The following GSAP variants were observed in gnomAD, a reference collection of about 807,000 sequenced individuals.
GSAP encodes the protein gamma-secretase-activating protein.
In GSAP, 118 loss-of-function variants were observed where a neutral mutation model predicts 131.7. The observed-to-expected ratio is 0.90, with a 90% CI of 0.77 to 1.04. GSAP has a LOEUF of 1.04. GSAP is among the 50% of genes least tolerant of loss of function. GSAP has a pLI of 0.00. For synonymous variants in GSAP, 381 were observed against 363.4 expected, an observed-to-expected ratio of 1.05 and a Z score of -0.55; for missense variants, 1,019 against 1,013.2, an observed-to-expected ratio of 1.01 and a Z score of -0.08.
chr7:77,348,095 G>A (rs562927668), intron 19 of GSAP, among the ~76,000 whole-genome samples: 1 of 151,962 alleles, frequency 6.6e-6, no homozygotes, highest in Non-Finnish European at 1.5e-5. Context: ...CTTGAGCCCA[G>A]GAATTAGAGA....
At chr7:77,323,980 G>A (rs571978212) in intron 23 of GSAP, among the ~76,000 whole-genome samples, 69 of 152,294 alleles carry the variant, frequency 4.5e-4, no homozygotes, top group African/African-American at 1.4e-3. Flanking sequence ...GAGCAACTGC[G>A]AGTAAGGCTC....
At chr7:77,407,012 T>C (rs1241203325) in intron 1 of GSAP, among the ~76,000 whole-genome samples, 1 of 152,014 alleles carries the variant, frequency 6.6e-6, no homozygotes, top group East Asian at 1.9e-4. Flanking sequence ...TCTGTAAGAG[T>C]ATGGCTGGCC....
intron 12 of GSAP, among the ~76,000 whole-genome samples, chr7:77,364,114 A>T (rs1472290142): frequency 6.6e-6 from 1 of 152,146 alleles, no homozygotes; most frequent in Non-Finnish European, 1.5e-5. Flanking sequence ...TTTCCTTTAG[A>T]AGTAGTTTTT....
chr7:77,396,914 T>C, intron 5 of GSAP, 68 bp downstream of exon 5: 1 of 752,668 alleles, frequency 1.3e-6, no homozygotes, highest in Non-Finnish European at 2.2e-6. Flanking sequence ...TTTGATTTGG[T>C]AGTATAATAA....
intron 12 of GSAP, among the ~76,000 whole-genome samples, chr7:77,366,226 CTCT>C (rs1225101247): frequency 1.3e-5 from 2 of 152,130 alleles, no homozygotes; most frequent in African/African-American, 4.8e-5. Flanking sequence ...TGTGCAGAAG[CTCT>C]TAAGTTTAAT....
At chr7:77,357,835 C>T (rs543774951) in intron 14 of GSAP, among the ~76,000 whole-genome samples, 2 of 152,302 alleles carry the variant, frequency 1.3e-5, no homozygotes, top group East Asian at 3.9e-4. Context: ...TCATTTCGAA[C>T]TTCCAACTTT....
intron 25 of GSAP, 136 bp from the exon 26 acceptor site, chr7:77,320,955 T>G: frequency 1.6e-6 from 1 of 642,406 alleles, no homozygotes; most frequent in Non-Finnish European, 2.8e-6. Flanking sequence ...GAAAGCCCCA[T>G]AAATATGAAT....
intron 26 of GSAP, among the ~76,000 whole-genome samples, chr7:77,319,143 A>G (rs1338029607): frequency 2.0e-5 from 3 of 152,238 alleles, no homozygotes; most frequent in African/African-American, 7.2e-5. Flanking sequence ...AAGTGTTTGC[A>G]AACCATATAT....
intron 2 of GSAP, 83 bp downstream of exon 2, chr7:77,405,946 T>C (rs775719357): frequency 5.3e-5 from 28 of 532,570 alleles, no homozygotes; most frequent in Non-Finnish European, 8.1e-5. Flanking sequence ...AGATACAGTA[T>C]AGAATTCTGT....
Position 77,377,275 on chromosome 7 carries a change from A to C in GSAP, c.681+11T>G. The C allele has an allele frequency of 7.4e-7, 1 of 1,351,778 alleles. No individual in the cohort carries two copies. The highest frequency in any genetic ancestry group is 9.8e-7 in the Non-Finnish European group (1 of 1,021,366). The allele number at this position is 1,351,778 out of a possible 1,614,324, so 83.7% of individuals were successfully genotyped here. On this transcript the variant is annotated intron_variant, in intron 9 of 30. Coordinates refer to ENST00000257626, the MANE Select transcript of GSAP (RefSeq NM_017439.4). ...AAAAAAAAAGGAGTGCCCGTGAACT[A>C]GTTTTTTTACCTTCAGGTCAATGTA...
chr7:77,410,530 A>G (rs1803082383), intron 1 of GSAP, among the ~76,000 whole-genome samples: 1 of 152,258 alleles, frequency 6.6e-6, no homozygotes, highest in South Asian at 2.1e-4. Flanking sequence ...GTTCTCATGA[A>G]TAAAACAATG....
At position 77,353,045 on chromosome 7, in the gene GSAP, A is replaced by C. The variant is rs368493201; in HGVS notation, c.1409-19T>G. 4.7e-4 allele frequency: 634 copies of C among 1,345,336 alleles called. No individual in the cohort carries two copies. The highest frequency in any genetic ancestry group is 6.6e-4 in the Non-Finnish European group (614 of 936,648). 83.3% of individuals were successfully genotyped at this position (1,345,336 alleles called of 1,614,324 possible). ...GAAGAAGCTGAGTAGATTTTTTTTG[A>C]AACAGGGGGAAAAAAGATGTGGTTT... On this transcript the variant is annotated intron_variant, in intron 17 of 30. Transcript: ENST00000257626.
Position 77,326,224 on chromosome 7 carries a change from C to A in GSAP, c.1815G>T (p.Leu605=). 6.2e-7 allele frequency: 1 copy of A among 1,612,348 alleles called. No individual in the cohort carries two copies. The highest frequency in any genetic ancestry group is 1.1e-5 in the South Asian group (1 of 90,952). The change falls in exon 23 of 31, where the codon CTG becomes CTT. Residue 605 remains leucine (L), a synonymous_variant. Transcript: ENST00000257626. ...LLQEEDSHQR[L]LMGLMVSELK... ...ACGTACCACTTACCAGCCCCATGAG[C>A]AGCCGCTGGTGGCTGTCTTCCTCCT...
intron 14 of GSAP, among the ~76,000 whole-genome samples, chr7:77,359,228 T>C (rs1471368034): frequency 3.3e-5 from 5 of 151,982 alleles, no homozygotes; most frequent in Non-Finnish European, 4.4e-5. Context: ...ATTAATAATC[T>C]AGTGTCCCTT....
intron 13 of GSAP, 34 bp downstream of exon 13, chr7:77,362,549 T>C: frequency 8.9e-7 from 1 of 1,123,546 alleles, no homozygotes; most frequent in Middle Eastern, 2.0e-4. Context: ...AAAAAGTTAT[T>C]ATGTAAAAGT....
intron 12 of GSAP, among the ~76,000 whole-genome samples, chr7:77,369,194 A>G (rs540018911): frequency 6.6e-6 from 1 of 152,370 alleles, no homozygotes; most frequent in East Asian, 1.9e-4. Context: ...TGCACAAGAA[A>G]GAATTACAGC....
chr7:77,407,222 C>T (rs1222510550), intron 1 of GSAP, among the ~76,000 whole-genome samples: 1 of 152,210 alleles, frequency 6.6e-6, no homozygotes, highest in Admixed American at 6.5e-5. Context: ...ATTCATTATA[C>T]AATGTCCTTT....
intron 19 of GSAP, among the ~76,000 whole-genome samples, chr7:77,338,617 G>C (rs1382324998): frequency 6.6e-6 from 1 of 152,168 alleles, no homozygotes; most frequent in Non-Finnish European, 1.5e-5. Flanking sequence ...ACTGCCATGT[G>C]TTCGCTGTAA....
Position 77,390,966 on chromosome 7 carries a change from A to T in GSAP, c.368-3518T>A, listed in dbSNP as rs1335244265. 5.1e-5 allele frequency among the ~76,000 whole-genome samples: 6 copies of T among 118,184 alleles called. 1 individual carries two copies. In the East Asian group the frequency reaches 9.6e-4, roughly 19 times the overall value. The allele number at this position is 118,184 out of a possible 152,430, so 77.5% of individuals were successfully genotyped here. A position where few individuals can be genotyped will look rare whatever the true frequency, so the allele number is the denominator to read the frequency against. The stretch of plus-strand genomic sequence containing the variant: ...CCGTCTAAAAAAAAAAAAAAAAAAA[A>T]AAAAAAAAAAAAAAAAATTAGCCGG... On this transcript the variant is annotated intron_variant, in intron 5 of 30. Coordinates refer to ENST00000257626, the MANE Select transcript of GSAP (RefSeq NM_017439.4).
Sources: allele counts gnomAD v4.1 joint callset (sites outside exome capture counted in the v4.1 genomes callset), GRCh38; gene constraint gnomAD v4.1.1; transcripts MANE v1.5; gene names NCBI Gene and HGNC (gene_info 2026-07-23, HGNC 2026-07-21).